AHCY: variants seen among roughly 807,000 people sequenced by gnomAD.
The protein encoded by AHCY is adenosylhomocysteinase.
In AHCY, 24 loss-of-function variants were observed where a neutral mutation model predicts 45.4. The observed-to-expected ratio is 0.53, with a 90% CI of 0.38 to 0.74. The LOEUF (loss-of-function observed/expected upper bound fraction) is 0.74. Ranked by LOEUF, AHCY falls within the 30% of genes least tolerant of loss-of-function variation. The pLI is 0.00. For missense variants in AHCY, 449 were observed against 594.1 expected, an observed-to-expected ratio of 0.76 and a Z score of 2.54; for synonymous variants, 245 against 235.1, an observed-to-expected ratio of 1.04 and a Z score of -0.39.
intron 9 of AHCY, among the ~76,000 whole-genome samples, chr20:34,282,650 T>C (rs568773383): frequency 6.6e-6 from 1 of 152,270 alleles, no homozygotes; most frequent in South Asian, 2.1e-4. Flanking sequence ...GTGTCCACGG[T>C]CACCAAGCTA....
chr20:34,275,674 A>G (rs1364812051), downstream of AHCY, among the ~76,000 whole-genome samples: 1 of 147,352 alleles, frequency 6.8e-6, no homozygotes, highest in African/African-American at 2.6e-5. Context: ...TGTTGGCTTT[A>G]TATCTTTCTT....
chr20:34,311,385 T>A (rs1482156462), intron 1 of AHCY: 1 of 152,242 alleles, frequency 6.6e-6, no homozygotes, highest in African/African-American at 2.4e-5. Flanking sequence ...CTTCTCCAGG[T>A]CCAGGCCCCA....
At chr20:34,303,001 C>G (rs1330629658) in intron 1 of AHCY, 1 of 985,348 alleles carries the variant, frequency 1.0e-6, no homozygotes, top group Non-Finnish European at 1.2e-6. Context: ...GGCTCGCAGA[C>G]CGCGCGGCGG....
intron 1 of AHCY, chr20:34,302,710 C>G: frequency 1.0e-6 from 1 of 988,188 alleles, no homozygotes; most frequent in Non-Finnish European, 1.2e-6. Flanking sequence ...TGGGGGACCC[C>G]ACAGGTTGGG....
At position 34,290,390 on chromosome 20, in the gene AHCY, T is replaced by G; in HGVS notation, c.914A>C (p.Glu305Ala). ...IVCNIGHFDV[E>A]IDVKWLNENA... Reference sequence around the variant, plus strand: ...CTCGTTGAGCCACTTGACATCGATCTCCACGTCAAAGTGTCCAATGTTACA... The same window carrying G: ...CTCGTTGAGCCACTTGACATCGATCGCCACGTCAAAGTGTCCAATGTTACA... The change falls in exon 8 of 10, where the codon GAG (glutamate) becomes GCG (alanine). Residue 305 changes from glutamate (E) to alanine (A), a missense_variant. Coordinates refer to ENST00000217426, the MANE Select transcript of AHCY (RefSeq NM_000687.4). This position sits in a 1 kb window ranked among gnomAD's most constrained non-coding sequence, Gnocchi z 4.5. The G allele has an allele frequency of 6.2e-7, 1 of 1,614,224 alleles. No homozygotes were observed. The highest frequency in any genetic ancestry group is 8.5e-7 in the Non-Finnish European group (1 of 1,180,046).
intron 1 of AHCY, among the ~76,000 whole-genome samples, chr20:34,300,390 C>T (rs986968259): frequency 6.6e-6 from 1 of 152,174 alleles, no homozygotes; most frequent in African/African-American, 2.4e-5. Flanking sequence ...TTCCCTCAAT[C>T]TTCGGGCCCT....
At chr20:34,253,660 C>T in the AHCY span, among the ~76,000 whole-genome samples, 3 of 151,632 alleles carry the variant, frequency 2.0e-5, no homozygotes, top group Admixed American at 1.3e-4. Context: ...TTAGTAGAGA[C>T]GGGTTTCACC....
chr20:34,281,232 G>A (rs535413537), intron 9 of AHCY, 67 bp from the exon 10 acceptor site: 138 of 1,599,528 alleles, frequency 8.6e-5, no homozygotes, highest in Non-Finnish European at 1.1e-4. Context: ...GCGTCTGGCT[G>A]CCAATAGAGG....
upstream of AHCY, among the ~76,000 whole-genome samples, chr20:34,307,120 C>CTT (rs61016665): frequency 9.1e-5 from 13 of 143,034 alleles, no homozygotes; most frequent in African/African-American, 3.1e-4. Context: ...TTTTCTTTTT[C>CTT]TTTTTTTTTT....
At chr20:34,248,603 G>C in the AHCY span, among the ~76,000 whole-genome samples, 2 of 152,100 alleles carry the variant, frequency 1.3e-5, no homozygotes, top group South Asian at 2.1e-4. Context: ...AGGAGTTTGA[G>C]ACCAGCCTGG....
upstream of AHCY, chr20:34,303,364 G>T (rs1485147882): frequency 9.9e-6 from 15 of 1,519,600 alleles, no homozygotes; most frequent in Non-Finnish European, 1.3e-5. Context: ...GGATATGCGC[G>T]TGGCGCCGAC....
downstream of AHCY, among the ~76,000 whole-genome samples, chr20:34,277,790 A>C (rs2035921859): frequency 6.6e-6 from 1 of 151,856 alleles, no homozygotes; most frequent in Non-Finnish European, 1.5e-5. Flanking sequence ...CTCAGCATAA[A>C]AACTCCTCAC....
rs201234216 is a variant in AHCY at position 34,290,927 on chromosome 20, G to A, written c.570C>T (p.Asp190=). The part of the protein sequence containing the change: ...VNDSVTKSKF[D]NLYGCRESLI... ...GGGACTCCCGGCAGCCATAGAGGTT[G>A]TCAAACTTGCTCTGAAAGGAAAGGG... Residue 190 remains aspartate, a synonymous_variant, in exon 6 of 10, where the codon GAC becomes GAT. Coordinates refer to ENST00000217426, the MANE Select transcript of AHCY (RefSeq NM_000687.4). The surrounding 1 kb of genome is among the most constrained non-coding windows in gnomAD (Gnocchi z 4.5). The A allele has an allele frequency of 4.7e-5, 76 of 1,614,164 alleles. No individual in the cohort carries two copies. The East Asian group carries it at 1.6e-3, about 35-fold the overall frequency.
rs1377089428 is a variant in AHCY at position 34,291,488 on chromosome 20, G to A, written c.489C>T (p.Asn163=). Residue 163 remains asparagine, a synonymous_variant, in exon 5 of 10, where the codon AAC becomes AAT. Coordinates refer to ENST00000217426, the MANE Select transcript of AHCY (RefSeq NM_000687.4). ...TCCCATTGGCCATCATCTTGTAGAG[G>A]TTGTGGACCCCAGTCGTGGTCTCCT... is the stretch of plus-strand genomic sequence containing the variant. ...ISEETTTGVH[N]LYKMMANGIL... 4 of 1,614,174 alleles carry A rather than the reference G, an allele frequency of 2.5e-6. No individual in the cohort carries two copies. Among genetic ancestry groups the A allele is most frequent in the Admixed American group, 1.7e-5 (1 of 60,020 alleles).
At chr20:34,237,920 G>T in the AHCY span, among the ~76,000 whole-genome samples, 2 of 152,118 alleles carry the variant, frequency 1.3e-5, no homozygotes, top group Non-Finnish European at 2.9e-5. Flanking sequence ...TCTGATATAG[G>T]ATTCTTGGTT....
At chr20:34,306,013 C>T (rs1276756547), upstream of AHCY, among the ~76,000 whole-genome samples, 2 of 142,790 alleles carry the variant, frequency 1.4e-5, no homozygotes, top group Non-Finnish European at 3.0e-5. Flanking sequence ...ACCCAGGAGG[C>T]GGATGTTGCA....
At chr20:34,303,395 C>G (rs991000705), upstream of AHCY, 23 of 1,348,314 alleles carry the variant, frequency 1.7e-5, no homozygotes, top group East Asian at 2.5e-5. Context: ...ATCTTCCTCG[C>G]ACTTGCATAT....
chr20:34,296,494 A>C (rs143880182), intron 1 of AHCY, among the ~76,000 whole-genome samples: 29 of 152,336 alleles, frequency 1.9e-4, no homozygotes, highest in African/African-American at 5.5e-4. Context: ...AGTAACAAAA[A>C]GTATTTCAGG....
At chr20:34,274,837 T>C in the AHCY span, among the ~76,000 whole-genome samples, 1 of 151,994 alleles carries the variant, frequency 6.6e-6, no homozygotes, top group Non-Finnish European at 1.5e-5. Flanking sequence ...GCCTGTAGTC[T>C]GAGCTATTTG....
Sources: gnomAD v4.1 joint callset for allele counts (sites outside exome capture counted in the v4.1 genomes callset) on GRCh38, gnomAD v4.1.1 for gene constraint, Gnocchi (gnomAD v3.1) non-coding constraint, MANE v1.5 for transcripts, NCBI Gene and HGNC (gene_info 2026-07-23, HGNC 2026-07-21) for gene names.